INTS7: variants seen among roughly 807,000 people sequenced by gnomAD.
INTS7 encodes the protein chromosome 1 open reading frame 73.
INTS7 carries 46 observed loss-of-function variants against 109.2 expected under a neutral mutation model. The observed-to-expected ratio is 0.42, with a 90% CI of 0.33 to 0.54. The LOEUF (loss-of-function observed/expected upper bound fraction) is 0.54. Among genes scored for constraint, INTS7 ranks in the 20% least tolerant of loss-of-function variants. INTS7 has a pLI of 0.07. For missense variants in INTS7, 929 were observed against 1,132.4 expected, an observed-to-expected ratio of 0.82 and a Z score of 2.58; for synonymous variants, 412 against 402.9, an observed-to-expected ratio of 1.02 and a Z score of -0.27.
chr1:211,949,234 AT>A (rs1377011473), intron 17 of INTS7, among the ~76,000 whole-genome samples: 1 of 152,114 alleles, frequency 6.6e-6, no homozygotes, highest in Non-Finnish European at 1.5e-5. Flanking sequence ...CATGTTTTTC[AT>A]AGGCAATTCT....
chr1:211,952,572 A>G lies in INTS7; in HGVS notation c.2313T>C (p.Tyr771=), dbSNP rs201323809. The G allele has an allele frequency of 3.1e-6, 5 of 1,611,966 alleles. No homozygotes were observed. The East Asian group carries it at 6.7e-5, about 22-fold the overall frequency. ...CAATAAAACAAATGCCACTTGCCAT[A>G]TAAGAAACAGGGGTATATTTCCGAT... The part of the protein sequence containing the change: ...SLNRKYTPVS[Y]MHTACLCNAI... The change falls in exon 17 of 20, where the codon TAT becomes TAC. Residue 771 remains tyrosine (Y), a synonymous_variant. Transcript: ENST00000366994.
intron 16 of INTS7, among the ~76,000 whole-genome samples, chr1:211,958,081 AC>A (rs1167825236): frequency 0.011 from 1,577 of 140,708 alleles, 26 homozygotes; most frequent in African/African-American, 0.04. Context: ...AAAAAAAAAA[AC>A]AAAAACATTT....
chr1:211,944,852 G>C lies in INTS7; in HGVS notation c.2533C>G (p.Arg845Gly). The change falls in exon 19 of 20, where the codon CGC becomes GGC. Residue 845 changes from arginine to glycine, a missense_variant. Physicochemically the swap from Arg to Gly is moderately radical, Grantham distance 125 (BLOSUM62 -2). Coordinates refer to ENST00000366994, the MANE Select transcript of INTS7 (RefSeq NM_015434.4). ...TTCAGACAGACAGACTGAATTTTGC[G>C]GAAGAGTCCTGGTTTAGATCCGTGC... ...VQHGSKPGLF[R>G]KIQSVCLNVS... 2 of 1,614,090 alleles carry C rather than the reference G, an allele frequency of 1.2e-6. No individual in the cohort carries two copies. The highest frequency in any genetic ancestry group is 1.7e-6 in the Non-Finnish European group (2 of 1,179,974).
chr1:211,977,224 A>G (rs1176480059), intron 11 of INTS7, among the ~76,000 whole-genome samples: 1 of 152,226 alleles, frequency 6.6e-6, no homozygotes, highest in African/African-American at 2.4e-5. Flanking sequence ...AGATGCTATC[A>G]GCAAGGTAAA....
intron 7 of INTS7, among the ~76,000 whole-genome samples, chr1:212,004,360 T>C (rs1665810141): frequency 6.6e-6 from 1 of 151,694 alleles, no homozygotes; most frequent in African/African-American, 2.4e-5. Context: ...CCAAAAAACC[T>C]CCAATTAAAT....
At chr1:212,014,252 G>A (rs1215147863) in intron 4 of INTS7, among the ~76,000 whole-genome samples, 1 of 151,976 alleles carries the variant, frequency 6.6e-6, no homozygotes, top group Admixed American at 6.5e-5. Flanking sequence ...ATCACCTGAG[G>A]TCAGGAGTTC....
Position 211,959,210 on chromosome 1 carries a change from G to A in INTS7, c.2184-6509C>T, listed in dbSNP as rs1197576898. Among the ~76,000 whole-genome samples the A allele has an allele frequency of 2.0e-5, 3 of 152,138 alleles. No homozygotes were observed. Among genetic ancestry groups the A allele is most frequent in the Admixed American group, 6.5e-5 (1 of 15,280 alleles). ...AGCATCTGTAGTGGAATACGGCCAG[G>A]GGCAGCCATCCCTCTAGGCTTAACT... On this transcript the variant is annotated intron_variant, in intron 16 of 19. Transcript: ENST00000366994. The surrounding 1 kb of genome is among the most constrained non-coding windows in gnomAD (Gnocchi z 4.2).
chr1:211,986,469 TAGAAAAACAAGGTCAGAAAATAAATA>T (rs1182251763), intron 8 of INTS7, among the ~76,000 whole-genome samples: 1 of 152,008 alleles, frequency 6.6e-6, no homozygotes, highest in Non-Finnish European at 1.5e-5. Context: ...GCAAAACTAA[TAGAAAAACAAGGTCAGAAAATAAATA>T]AGAAAAACGC....
At chr1:211,966,632 T>C in intron 15 of INTS7, 134 bp from the exon 16 acceptor site, 1 of 595,858 alleles carries the variant, frequency 1.7e-6, no homozygotes, top group South Asian at 2.0e-5. Flanking sequence ...ACTCGAATGG[T>C]CTGGGGCTCT....
chr1:211,976,463 T>G (rs1016921563), intron 12 of INTS7, 119 bp downstream of exon 12: 11 of 865,210 alleles, frequency 1.3e-5, no homozygotes, highest in Non-Finnish European at 1.9e-5. Flanking sequence ...TCAGAACCCA[T>G]GACTAAAAGG....
chr1:212,027,895 C>T (rs1407925690), intron 1 of INTS7, among the ~76,000 whole-genome samples: 1 of 152,040 alleles, frequency 6.6e-6, no homozygotes, highest in Non-Finnish European at 1.5e-5. Flanking sequence ...GGCGCAATCT[C>T]AGCTCACTGC....
intron 16 of INTS7, 22 bp from the exon 17 acceptor site, chr1:211,952,723 A>G: frequency 6.2e-7 from 1 of 1,603,576 alleles, no homozygotes; most frequent in South Asian, 1.1e-5. Flanking sequence ...GTCAATATTC[A>G]TTAATCCATC....
At chr1:211,966,707 G>A (rs1468994248) in intron 15 of INTS7, among the ~76,000 whole-genome samples, 1 of 152,102 alleles carries the variant, frequency 6.6e-6, no homozygotes, top group Admixed American at 6.5e-5. Flanking sequence ...TTCCAAGAAG[G>A]GTACTTCGGA....
Position 212,019,632 on chromosome 1 carries a change from T to G in INTS7, c.371+490A>C, listed in dbSNP as rs142336522. 9.6e-3 allele frequency among the ~76,000 whole-genome samples: 1,467 copies of G among 152,304 alleles called. 30 individuals carry two copies. The highest frequency in any genetic ancestry group is 0.033 in the African/African-American group (1,374 of 41,584). Reference sequence around the variant, plus strand: ...ATATAAGGCTTACAAAATGAAATTCTAACAAATAAATTTTTTTAAATATGC... The same window carrying G: ...ATATAAGGCTTACAAAATGAAATTCGAACAAATAAATTTTTTTAAATATGC... On this transcript the variant is annotated intron_variant, in intron 3 of 19. Transcript: ENST00000366994.
chr1:212,016,085 C>A (rs1455261336), intron 4 of INTS7, among the ~76,000 whole-genome samples: 1 of 152,062 alleles, frequency 6.6e-6, no homozygotes, highest in Non-Finnish European at 1.5e-5. Context: ...ATTGTATGAT[C>A]ATAATTTATC....
Position 212,025,013 on chromosome 1 carries a change from A to G in INTS7, c.95-3801T>C, listed in dbSNP as rs539295527. ...TACTAATTTGACTCTAAATGAAACT[A>G]GTATTCACTCACATGTGGTTTCTGG... On this transcript the variant is annotated intron_variant, in intron 1 of 19. Coordinates refer to ENST00000366994, the MANE Select transcript of INTS7 (RefSeq NM_015434.4). Among the ~76,000 whole-genome samples the G allele has an allele frequency of 2.6e-5, 4 of 152,374 alleles. No individual in the cohort carries two copies. The South Asian group carries it at 8.3e-4, about 32-fold the overall frequency.
Position 211,978,358 on chromosome 1 carries a change from C to T in INTS7, c.1384G>A (p.Val462Met). The stretch of plus-strand genomic sequence containing the variant: ...TCACCAAGCATCCCATCACCCAGCA[C>T]CGGCAGTTGCATGGCAATGGCTGCC... ...CLAAIAMQLP[V>M]LGDGMLGDLM... The change falls in exon 11 of 20, where the codon GTG becomes ATG. Residue 462 changes from valine to methionine, a missense_variant. This residue lies in a region of INTS7 where 787 missense variants were observed against 901.1 expected (regional missense o/e 0.87). Coordinates refer to ENST00000366994, the MANE Select transcript of INTS7 (RefSeq NM_015434.4). 6.2e-7 allele frequency: 1 copy of T among 1,614,182 alleles called. No individual in the cohort carries two copies. The highest frequency in any genetic ancestry group is 8.5e-7 in the Non-Finnish European group (1 of 1,180,018).
At chr1:212,021,059 C>T (rs759820488) in intron 2 of INTS7, 24 bp downstream of exon 2, 4 of 1,582,474 alleles carry the variant, frequency 2.5e-6, no homozygotes, top group Non-Finnish European at 3.4e-6. Context: ...TACTTTAGGA[C>T]ATCGAGAATT....
In INTS7 at chr1:211,968,712, G is replaced by GAA. The variant is rs11322485; in HGVS notation, c.1816-7_1816-6dup. The GAA allele has an allele frequency of 2.1e-4, 289 of 1,382,694 alleles. No homozygotes were observed. Among genetic ancestry groups the GAA allele is most frequent in the South Asian group, 4.8e-4 (36 of 74,250 alleles). 85.7% of individuals were successfully genotyped at this position (1,382,694 alleles called of 1,614,324 possible). On this transcript the variant is annotated splice_polypyrimidine_tract_variant and splice_region_variant and intron_variant, in intron 13 of 19. Transcript: ENST00000366994. ...ATTCAGTGGTGTACTAGCTGCCTGG[G>GAA]AAAAAAAAAAAAAAGAGATATTTAA... is the stretch of plus-strand genomic sequence containing the variant.
Sources: gnomAD v4.1 joint callset for allele counts (sites outside exome capture counted in the v4.1 genomes callset) on GRCh38, gnomAD v4.1.1 for gene constraint, gnomAD v4.1.1 regional missense constraint, Gnocchi (gnomAD v3.1) non-coding constraint, MANE v1.5 for transcripts, NCBI Gene and HGNC (gene_info 2026-07-23, HGNC 2026-07-21) for gene names.